Variants in BMP5 observed in about 807,000 individuals in gnomAD.
BMP5 encodes the protein bone morphogenetic protein 5.
Under a neutral mutation model 46.6 loss-of-function variants are expected in BMP5, and 23 were observed. The ratio of observed to expected loss-of-function variants is 0.49; its 90% CI spans 0.35 to 0.70. The LOEUF (loss-of-function observed/expected upper bound fraction) is 0.70, where lower values mean the gene tolerates loss of function less well. Among genes scored for constraint, BMP5 ranks in the 30% least tolerant of loss-of-function variants. BMP5 has a pLI of 0.00. For missense variants in BMP5, 545 were observed against 565.6 expected (o/e 0.96, Z 0.37); for synonymous variants, 204 against 191.9 (o/e 1.06, Z -0.52).
chr6:55,857,435 T>C (rs1043463329), intron 1 of BMP5, among the ~76,000 whole-genome samples: 3 of 152,202 alleles, frequency 2.0e-5, no homozygotes, highest in Admixed American at 2.0e-4. Context: ...ACTTTCGCAC[T>C]CTTTCATATC....
At chr6:55,756,883 A>G (rs1420944001) in intron 6 of BMP5, among the ~76,000 whole-genome samples, 1 of 151,866 alleles carries the variant, frequency 6.6e-6, no homozygotes, top group African/African-American at 2.4e-5. Flanking sequence ...AAAAAAATGG[A>G]TTGTTCTTGA....
At chr6:55,772,991 G>T in intron 4 of BMP5, 1 of 864,972 alleles carries the variant, frequency 1.2e-6, no homozygotes, top group Non-Finnish European at 1.4e-6. Context: ...GTAATAAATA[G>T]CTGCTGTATG....
intron 3 of BMP5, among the ~76,000 whole-genome samples, chr6:55,784,982 T>G (rs1391448522): frequency 6.6e-6 from 1 of 151,832 alleles, no homozygotes; most frequent in African/African-American, 2.4e-5. Flanking sequence ...GAAGTAGATA[T>G]TTCATTTAAA....
chr6:55,800,620 A>T (rs1054517736), intron 2 of BMP5, among the ~76,000 whole-genome samples: 4 of 152,218 alleles, frequency 2.6e-5, no homozygotes, highest in African/African-American at 9.6e-5. Context: ...AGTCAGCTGA[A>T]TAAATGGAGT....
At chr6:55,821,479 A>G (rs1776408512) in intron 1 of BMP5, among the ~76,000 whole-genome samples, 2 of 152,066 alleles carry the variant, frequency 1.3e-5, no homozygotes, top group South Asian at 4.1e-4. Context: ...TCCCCACTGC[A>G]CCCAGTTGGA....
At chr6:55,837,972 G>A (rs1204024734) in intron 1 of BMP5, among the ~76,000 whole-genome samples, 3 of 152,092 alleles carry the variant, frequency 2.0e-5, no homozygotes, top group Non-Finnish European at 4.4e-5. Flanking sequence ...CATCCATATT[G>A]TTGCAAACGA....
At chr6:55,857,454 G>C (rs1245733176) in intron 1 of BMP5, among the ~76,000 whole-genome samples, 1 of 152,152 alleles carries the variant, frequency 6.6e-6, no homozygotes, top group East Asian at 1.9e-4. Flanking sequence ...TCCCTTAGAA[G>C]TAACTATCAA....
At chr6:55,861,904 A>G (rs757527641) in intron 1 of BMP5, among the ~76,000 whole-genome samples, 93 of 152,328 alleles carry the variant, frequency 6.1e-4, no homozygotes, top group Admixed American at 1.5e-3. Flanking sequence ...CTCTGAATCC[A>G]GTTCTTCCTA....
intron 1 of BMP5, among the ~76,000 whole-genome samples, chr6:55,822,205 A>C (rs1776425229): frequency 6.6e-6 from 1 of 152,200 alleles, no homozygotes; most frequent in Non-Finnish European, 1.5e-5. Flanking sequence ...GTCTGCTAAC[A>C]CACTATGGCT....
intron 2 of BMP5, among the ~76,000 whole-genome samples, chr6:55,814,624 G>A (rs964624712): frequency 4.6e-5 from 7 of 151,944 alleles, no homozygotes; most frequent in African/African-American, 1.2e-4. Flanking sequence ...AAGACATATC[G>A]CTATTTCTAT....
At chr6:55,833,277 T>A (rs887029349) in intron 1 of BMP5, among the ~76,000 whole-genome samples, 2 of 152,180 alleles carry the variant, frequency 1.3e-5, no homozygotes, top group Admixed American at 6.5e-5. Context: ...AAAATTGCTC[T>A]TGTATAGAAA....
chr6:55,770,126 G>C (rs1462058502), intron 4 of BMP5, among the ~76,000 whole-genome samples: 1 of 151,830 alleles, frequency 6.6e-6, no homozygotes, highest in Admixed American at 6.6e-5. Context: ...CAGATTGTCA[G>C]AAGATTTGAA....
chr6:55,765,905 T>C (rs958554299), intron 4 of BMP5, among the ~76,000 whole-genome samples: 2 of 152,082 alleles, frequency 1.3e-5, no homozygotes, highest in Admixed American at 1.3e-4. Context: ...TAAAAATCTA[T>C]CCACAAACCT....
intron 2 of BMP5, among the ~76,000 whole-genome samples, chr6:55,812,389 A>G (rs1326801435): frequency 6.6e-6 from 1 of 152,222 alleles, no homozygotes; most frequent in African/African-American, 2.4e-5. Context: ...GAGGTGACAT[A>G]ATGGATCTAC....
intron 1 of BMP5, among the ~76,000 whole-genome samples, chr6:55,867,790 A>T (rs908571786): frequency 3.3e-5 from 5 of 152,166 alleles, no homozygotes; most frequent in Non-Finnish European, 7.3e-5. Context: ...GAGGAAGGTG[A>T]TCTTATTATC....
At chr6:55,761,418 A>C (rs1774773570) in intron 4 of BMP5, among the ~76,000 whole-genome samples, 1 of 152,036 alleles carries the variant, frequency 6.6e-6, no homozygotes, top group Admixed American at 6.6e-5. Context: ...AGAGTGAAAT[A>C]TTCTCAGAGT....
At chr6:55,828,775 C>T (rs1776590932) in intron 1 of BMP5, among the ~76,000 whole-genome samples, 1 of 151,670 alleles carries the variant, frequency 6.6e-6, no homozygotes, top group Admixed American at 6.6e-5. Flanking sequence ...GTTTAAGACA[C>T]AGTTTGTATA....
chr6:55,795,128 G>C (rs1172413074), intron 2 of BMP5, among the ~76,000 whole-genome samples: 1 of 152,068 alleles, frequency 6.6e-6, no homozygotes, highest in Non-Finnish European at 1.5e-5. Context: ...GTTTATGGTT[G>C]TATTGCTGAA....
At chr6:55,789,762 A>G (rs1775532617) in intron 3 of BMP5, among the ~76,000 whole-genome samples, 1 of 152,102 alleles carries the variant, frequency 6.6e-6, no homozygotes, top group African/African-American at 2.4e-5. Flanking sequence ...CTTGTCTGGA[A>G]TGTCTAAATT....
Sources: gnomAD v4.1 joint callset for allele counts (sites outside exome capture counted in the v4.1 genomes callset) on GRCh38, gnomAD v4.1.1 for gene constraint, MANE v1.5 for transcripts, NCBI Gene and HGNC (gene_info 2026-07-23, HGNC 2026-07-21) for gene names.